The following FER1L5 variants were observed in gnomAD, a reference collection of about 807,000 sequenced individuals.
FER1L5 encodes fer-1-like protein 5.
FER1L5 carries 187 observed loss-of-function variants against 279.9 expected under a neutral mutation model. The ratio of observed to expected loss-of-function variants is 0.67; its 90% CI spans 0.59 to 0.75. The LOEUF (loss-of-function observed/expected upper bound fraction) is 0.75, where lower values mean the gene tolerates loss of function less well. FER1L5 is among the 30% of genes least tolerant of loss of function. FER1L5 has a pLI of 0.00. For missense variants in FER1L5, 2,091 were observed against 2,594.4 expected, an observed-to-expected ratio of 0.81 and a Z score of 4.21; for synonymous variants, 921 against 989.7, an observed-to-expected ratio of 0.93 and a Z score of 1.30.
Position 96,690,448 on chromosome 2 carries a change from C to G in FER1L5, c.2641-39C>G, listed in dbSNP as rs1241343604. On this transcript the variant is annotated intron_variant, in intron 26 of 52. Coordinates refer to ENST00000624922, the MANE Select transcript of FER1L5 (RefSeq NM_001293083.2). ...GGGAGGGAGGGCAGCCTCCTCCCAG[C>G]TCATGTGCCCCTCGCTCGCCCTCTC... 5 of 1,536,090 alleles carry G rather than the reference C, an allele frequency of 3.3e-6. No homozygotes were observed. The Admixed American group carries it at 7.9e-5, about 24-fold the overall frequency.
intron 8 of FER1L5, chr2:96,654,055 C>T (rs1244369050): frequency 1.6e-5 from 6 of 365,788 alleles, no homozygotes; most frequent in Non-Finnish European, 3.0e-5. Flanking sequence ...TTATCAGGTG[C>T]CTACTATGTG....
intron 9 of FER1L5, chr2:96,655,047 A>G (rs2106468801): frequency 6.6e-6 from 1 of 152,316 alleles, no homozygotes; most frequent in East Asian, 1.9e-4. Flanking sequence ...GATTGTGAGG[A>G]TTAAAGTATA....
At chr2:96,680,204 G>C (rs549687421) in intron 19 of FER1L5, among the ~76,000 whole-genome samples, 4 of 151,846 alleles carry the variant, frequency 2.6e-5, no homozygotes, top group Non-Finnish European at 4.4e-5. Flanking sequence ...CCTTCTGCTT[G>C]TTGCTTTTGT....
At position 96,693,174 on chromosome 2, in the gene FER1L5, C is replaced by CA. The variant is rs1160424997; in HGVS notation, c.3293-322dup. 3.3e-4 allele frequency among the ~76,000 whole-genome samples: 41 copies of CA among 125,768 alleles called. 1 individual carries two copies. Among genetic ancestry groups the CA allele is most frequent in the South Asian group, 1.3e-3 (5 of 3,922 alleles). The allele number at this position is 125,768 out of a possible 152,430, so 82.5% of individuals were successfully genotyped here. On this transcript the variant is annotated intron_variant, in intron 31 of 52. Transcript: ENST00000624922. ...TGGGCGAAAGAGCGAAACTCTGACT[C>CA]AAAAAAAAAAGAGAAAAAAAAAAAA...
chr2:96,692,910 A>G (rs985721923), intron 31 of FER1L5, among the ~76,000 whole-genome samples: 9 of 152,022 alleles, frequency 5.9e-5, no homozygotes, highest in East Asian at 1.9e-4. Flanking sequence ...GGGCGCGGTG[A>G]CTCACACCTG....
chr2:96,704,305 C>G lies in FER1L5; in HGVS notation c.5892C>G (p.Ala1964=). ...FWKRYRFKLI[A]FMVISIIALM... The stretch of plus-strand genomic sequence containing the variant: ...AACGCTATCGCTTCAAACTCATAGC[C>G]TTTATGGTCATATCGATTATAGCAC... Residue 1964 remains alanine, a synonymous_variant, in exon 52 of 53, where the codon GCC becomes GCG. Coordinates refer to ENST00000624922, the MANE Select transcript of FER1L5 (RefSeq NM_001293083.2). 6.2e-7 allele frequency: 1 copy of G among 1,614,002 alleles called. No homozygotes were observed.
At chr2:96,684,249 C>T (rs1210305884) in intron 19 of FER1L5, 78 bp from the exon 20 acceptor site, 5 of 1,506,304 alleles carry the variant, frequency 3.3e-6, no homozygotes, top group East Asian at 2.5e-5. Flanking sequence ...CAGAGAGGTC[C>T]TCGGAGGGAG....
intron 34 of FER1L5, chr2:96,695,179 G>A (rs760904611): frequency 1.9e-5 from 5 of 265,264 alleles, no homozygotes; most frequent in Non-Finnish European, 2.8e-5. Flanking sequence ...TCCTACCTGA[G>A]AACTGATGAG....
rs780512336 is a variant in FER1L5, at chr2:96,687,955, G to A, written c.2361+8G>A. 2.6e-6 allele frequency: 4 copies of A among 1,550,884 alleles called. No homozygotes were observed. Among genetic ancestry groups the A allele is most frequent in the Non-Finnish European group, 3.5e-6 (4 of 1,146,850 alleles). On this transcript the variant is annotated splice_region_variant and intron_variant, in intron 24 of 52. Coordinates refer to ENST00000624922, the MANE Select transcript of FER1L5 (RefSeq NM_001293083.2). ...GCGGTGTACGCCGAGATGGTGAGTG[G>A]TGAGCGGCAGCCCAAGGCCAGGGCA...
chr2:96,646,160 G>A (rs941267522), intron 1 of FER1L5, among the ~76,000 whole-genome samples: 40 of 152,038 alleles, frequency 2.6e-4, no homozygotes, highest in African/African-American at 6.8e-4. Context: ...CACCACGCCC[G>A]GCTAATTTTT....
At chr2:96,652,085 C>T (rs1005082014) in intron 7 of FER1L5, 65 bp downstream of exon 7, 16 of 1,547,796 alleles carry the variant, frequency 1.0e-5, no homozygotes, top group African/African-American at 6.9e-5. Context: ...GGTGGGCAGC[C>T]GGCAAGCTTG....
At chr2:96,643,139 G>A (rs189546091) in intron 1 of FER1L5, among the ~76,000 whole-genome samples, 3 of 152,140 alleles carry the variant, frequency 2.0e-5, no homozygotes, top group Non-Finnish European at 4.4e-5. Flanking sequence ...GGAAAAAAGA[G>A]AGGACTAGTG....
In FER1L5 at chr2:96,694,016, T is replaced by A. The variant is rs2077261322; in HGVS notation, c.3580T>A (p.Leu1194Met). The A allele has an allele frequency of 1.9e-6, 3 of 1,550,006 alleles. No homozygotes were observed. The African/African-American group carries it at 4.1e-5, about 21-fold the overall frequency. Reference protein sequence around the residue: ...PMRWHPLVKELGKEEGEILAS... With the variant: ...PMRWHPLVKEMGKEEGEILAS... ...GAGGTGGCATCCCCTTGTAAAGGAG[T>A]TGGGGAAGGAAGAGGGCGAGATCTT... Residue 1194 changes from leucine to methionine, a missense_variant, in exon 33 of 53, where the codon TTG becomes ATG. By Grantham distance (15) the Leu-to-Met change is conservative. Transcript: ENST00000624922. The surrounding 1 kb of genome is among the most constrained non-coding windows in gnomAD (Gnocchi z 4.6).
In FER1L5 at chr2:96,702,556, GGGCCAAT is replaced by G; in HGVS notation, c.5256-42_5256-36del. On this transcript the variant is annotated intron_variant, in intron 47 of 52. Transcript: ENST00000624922. This position sits in a 1 kb window ranked among gnomAD's most constrained non-coding sequence, Gnocchi z 4.0. The stretch of plus-strand genomic sequence containing the variant: ...CCCATGGGGCTCCAGCTGGGGGATG[GGGCCAAT>G]GCACATGAGCCACAGGTGATAGGAC... The G allele has an allele frequency of 3.9e-6, 6 of 1,553,482 alleles. No individual in the cohort carries two copies. The highest frequency in any genetic ancestry group is 5.2e-6 in the Non-Finnish European group (6 of 1,148,318).
At chr2:96,655,904 G>A (rs531372285) in intron 9 of FER1L5, among the ~76,000 whole-genome samples, 18 of 151,922 alleles carry the variant, frequency 1.2e-4, no homozygotes, top group Admixed American at 1.2e-3. Context: ...TAGCGAATGG[G>A]TCTCACTATG....
chr2:96,678,641 C>T (rs2076600684), intron 19 of FER1L5, among the ~76,000 whole-genome samples: 1 of 144,204 alleles, frequency 6.9e-6, no homozygotes, highest in Admixed American at 6.9e-5. Flanking sequence ...CCATTTTGTC[C>T]AGGCTGTTCT....
chr2:96,660,261 G>A, intron 9 of FER1L5, 80 bp from the exon 10 acceptor site: 1 of 1,444,886 alleles, frequency 6.9e-7, no homozygotes, highest in South Asian at 1.2e-5. Flanking sequence ...CCAACAGCTA[G>A]CAGTTGGGTC....
chr2:96,691,354 G>C lies in FER1L5; in HGVS notation c.2907+1G>C. 6.5e-7 allele frequency: 1 copy of C among 1,548,328 alleles called. No homozygotes were observed. Among genetic ancestry groups the C allele is most frequent in the Non-Finnish European group, 8.7e-7 (1 of 1,145,204 alleles). ...GGAGACCCTCTCCTTCCTGCAGCTG[G>C]TGAGGGGTCGACGGGCGCCCTGGCT... On this transcript the variant is annotated splice_donor_variant, in intron 28 of 52. Transcript: ENST00000624922. LOFTEE classifies it high-confidence loss of function. The surrounding 1 kb of genome is among the most constrained non-coding windows in gnomAD (Gnocchi z 6.0).
chr2:96,692,019 C>T (rs906745806), intron 30 of FER1L5, 56 bp downstream of exon 30: 43 of 890,300 alleles, frequency 4.8e-5, no homozygotes, highest in African/African-American at 2.6e-4. Flanking sequence ...TACCCGAGGG[C>T]GGGGGGGGGG....
Sources: allele counts gnomAD v4.1 joint callset (sites outside exome capture counted in the v4.1 genomes callset), GRCh38; gene constraint gnomAD v4.1.1; non-coding constraint Gnocchi (gnomAD v3.1); transcripts MANE v1.5; gene names NCBI Gene and HGNC (gene_info 2026-07-23, HGNC 2026-07-21).